VANGL1: variants seen among roughly 807,000 people sequenced by gnomAD.
VANGL1 encodes VANGL planar cell polarity protein 1, also known as vang-like protein 1.
Under a neutral mutation model 48.4 loss-of-function variants are expected in VANGL1, and 18 were observed. The ratio of observed to expected loss-of-function variants is 0.37; its 90% CI spans 0.26 to 0.55. The LOEUF (loss-of-function observed/expected upper bound fraction) is 0.55. VANGL1 is among the 20% of genes least tolerant of loss of function. VANGL1 has a pLI of 0.81. For synonymous variants in VANGL1, 257 were observed against 261.8 expected (o/e 0.98, Z 0.18); for missense variants, 667 against 675.8 (o/e 0.99, Z 0.14).
intron 1 of VANGL1, among the ~76,000 whole-genome samples, chr1:115,642,965 A>G (rs1354883608): frequency 6.6e-6 from 1 of 152,324 alleles, no homozygotes; most frequent in East Asian, 1.9e-4. Context: ...TGATGAGCAG[A>G]TGAGACTTGG....
At chr1:115,652,638 C>T (rs1652193976) in intron 2 of VANGL1, among the ~76,000 whole-genome samples, 1 of 152,180 alleles carries the variant, frequency 6.6e-6, no homozygotes, top group African/African-American at 2.4e-5. Context: ...AAATGCCCAG[C>T]TCTGCACTGG....
intron 5 of VANGL1, among the ~76,000 whole-genome samples, chr1:115,682,917 A>G (rs1169967443): frequency 6.6e-6 from 1 of 152,180 alleles, no homozygotes; most frequent in Non-Finnish European, 1.5e-5. Flanking sequence ...ACTCGTGGCT[A>G]GGAGCCGGAG....
intron 2 of VANGL1, among the ~76,000 whole-genome samples, chr1:115,655,866 C>G (rs552192030): frequency 6.6e-6 from 1 of 152,208 alleles, no homozygotes; most frequent in South Asian, 2.1e-4. Flanking sequence ...GGTGGCCACA[C>G]TGTGACCCGC....
At chr1:115,667,975 A>G (rs971151783) in intron 4 of VANGL1, among the ~76,000 whole-genome samples, 2 of 152,214 alleles carry the variant, frequency 1.3e-5, no homozygotes, top group Non-Finnish European at 2.9e-5. Context: ...ACAATAAACA[A>G]TTACATAGTC....
intron 2 of VANGL1, among the ~76,000 whole-genome samples, chr1:115,657,215 C>T (rs1025089900): frequency 5.9e-5 from 9 of 152,192 alleles, no homozygotes; most frequent in African/African-American, 2.2e-4. Context: ...ATTGTGATTC[C>T]TAGCAATAGC....
intron 2 of VANGL1, among the ~76,000 whole-genome samples, chr1:115,653,052 C>T (rs1265019920): frequency 6.6e-6 from 1 of 152,164 alleles, no homozygotes. Flanking sequence ...ATGTTGTATG[C>T]TGTGATAGTT....
chr1:115,644,065 T>C (rs1278362697), intron 1 of VANGL1, among the ~76,000 whole-genome samples: 1 of 152,148 alleles, frequency 6.6e-6, no homozygotes, highest in Non-Finnish European at 1.5e-5. Context: ...GCAAAATTCT[T>C]AGTGGGGTTA....
chr1:115,648,549 A>G (rs1180247222), intron 1 of VANGL1, among the ~76,000 whole-genome samples: 1 of 152,232 alleles, frequency 6.6e-6, no homozygotes, highest in Non-Finnish European at 1.5e-5. Context: ...TTCAATGAGG[A>G]CAAGGAATGA....
At chr1:115,670,205 C>T (rs981045704) in intron 4 of VANGL1, among the ~76,000 whole-genome samples, 6 of 152,206 alleles carry the variant, frequency 3.9e-5, no homozygotes, top group Non-Finnish European at 1.5e-5. Context: ...ACCAGGTTGG[C>T]TAGAACGTTG....
chr1:115,656,066 T>C (rs1652342711), intron 2 of VANGL1, among the ~76,000 whole-genome samples: 1 of 152,228 alleles, frequency 6.6e-6, no homozygotes, highest in Non-Finnish European at 1.5e-5. Flanking sequence ...CTTGGTAGCA[T>C]GACCAGTACC....
intron 2 of VANGL1, among the ~76,000 whole-genome samples, chr1:115,653,260 G>A (rs1269821715): frequency 6.6e-6 from 1 of 152,176 alleles, no homozygotes; most frequent in East Asian, 1.9e-4. Flanking sequence ...AACAGAAGGA[G>A]CTCGGGGCAG....
At chr1:115,649,236 C>G (rs1652047186) in intron 1 of VANGL1, among the ~76,000 whole-genome samples, 1 of 152,188 alleles carries the variant, frequency 6.6e-6, no homozygotes, top group Non-Finnish European at 1.5e-5. Context: ...AGGAGCAAAA[C>G]TTAGCATTTA....
rs1284876842 is a variant in VANGL1, at chr1:115,691,428, G to A, written c.*49G>A. 6.4e-7 allele frequency: 1 copy of A among 1,553,646 alleles called. No homozygotes were observed. The highest frequency in any genetic ancestry group is 8.7e-7 in the Non-Finnish European group (1 of 1,143,622). On this transcript the variant is annotated 3_prime_UTR_variant, in exon 8 of 8. Transcript: ENST00000355485. Reference sequence around the variant, plus strand: ...TAAAAAAAAAAGAAAAATATATAGAGAGATATATATCTATGCCAGAGGGGT... The same window carrying A: ...TAAAAAAAAAAGAAAAATATATAGAAAGATATATATCTATGCCAGAGGGGT...
chr1:115,680,613 C>A (rs980249023), intron 4 of VANGL1, among the ~76,000 whole-genome samples: 1 of 152,212 alleles, frequency 6.6e-6, no homozygotes, highest in African/African-American at 2.4e-5. Flanking sequence ...TGAATGCGGG[C>A]ACTGTTGGGG....
At chr1:115,652,656 A>G (rs1487881270) in intron 2 of VANGL1, among the ~76,000 whole-genome samples, 1 of 152,140 alleles carries the variant, frequency 6.6e-6, no homozygotes, top group East Asian at 1.9e-4. Flanking sequence ...TGGCTTGGGA[A>G]TAGTGATTGT....
In VANGL1 at chr1:115,651,351, A is replaced by G; in HGVS notation, c.-63A>G. ...GAGGTTTTAGGAGTCTGGTAGGTGA[A>G]ATTTTCTACCTCTAAGGAGAAACAG... On this transcript the variant is annotated 5_prime_UTR_variant, in exon 2 of 8. Coordinates refer to ENST00000355485, the MANE Select transcript of VANGL1 (RefSeq NM_138959.3). 2 of 1,516,804 alleles carry G rather than the reference A, an allele frequency of 1.3e-6. No individual in the cohort carries two copies. The highest frequency in any genetic ancestry group is 1.8e-6 in the Non-Finnish European group (2 of 1,097,662). 94.0% of individuals were successfully genotyped at this position (1,516,804 alleles called of 1,614,324 possible). A position where few individuals can be genotyped will look rare whatever the true frequency, so the allele number is the denominator to read the frequency against.
intron 4 of VANGL1, among the ~76,000 whole-genome samples, chr1:115,676,125 A>G (rs1570762707): frequency 6.6e-6 from 1 of 152,304 alleles, no homozygotes; most frequent in East Asian, 1.9e-4. Context: ...CAACAACCAC[A>G]TGCAGTGGTT....
rs372052239 is a variant in VANGL1 at position 115,659,669 on chromosome 1, C to A, written c.100C>A (p.Pro34Thr). The change falls in exon 3 of 8, where the codon CCC (proline) becomes ACC (threonine). Residue 34 changes from proline (P) to threonine (T), a missense_variant. Pro to Thr is a conservative substitution (Grantham distance 38). Transcript: ENST00000355485. ...GERTRERHKS[P>T]RNKDGRGSEK... ...AAGAACTAGAGAGAGACACAAGTCA[C>A]CCCGGAATAAAGACGGCAGAGGGTC... The A allele has an allele frequency of 1.6e-5, 26 of 1,613,922 alleles. No individual in the cohort carries two copies. In the Admixed American group the frequency reaches 3.8e-4, roughly 24 times the overall value.
chr1:115,685,804 G>T (rs1169296564), intron 7 of VANGL1, among the ~76,000 whole-genome samples: 1 of 152,082 alleles, frequency 6.6e-6, no homozygotes, highest in Non-Finnish European at 1.5e-5. Flanking sequence ...TAGTGATTAG[G>T]GGTGCATTGT....
Sources: allele counts gnomAD v4.1 joint callset (sites outside exome capture counted in the v4.1 genomes callset), GRCh38; gene constraint gnomAD v4.1.1; transcripts MANE v1.5; gene names NCBI Gene and HGNC (gene_info 2026-07-23, HGNC 2026-07-21).